The following SEMA6D variants were observed in gnomAD, a reference collection of about 807,000 sequenced individuals.
SEMA6D encodes semaphorin-6D.
A neutral mutation model predicts 106.6 loss-of-function variants in SEMA6D; 35 were observed. That is an observed-to-expected ratio of 0.33 (90% CI 0.25 to 0.44). The LOEUF (loss-of-function observed/expected upper bound fraction) is 0.44. SEMA6D is among the 20% of genes least tolerant of loss of function. SEMA6D has a pLI of 1.00. For missense variants in SEMA6D, 1,185 were observed against 1,345.9 expected, an observed-to-expected ratio of 0.88 and a Z score of 1.87; for synonymous variants, 499 against 487.7, an observed-to-expected ratio of 1.02 and a Z score of -0.31.
At chr15:47,689,964 G>C (rs981742104) in intron 4 of SEMA6D, among the ~76,000 whole-genome samples, 2 of 152,224 alleles carry the variant, frequency 1.3e-5, no homozygotes, top group Non-Finnish European at 2.9e-5. Context: ...GGGGAAAGCA[G>C]GGATTTAGAG....
chr15:47,299,992 G>A (rs762981234), intron 1 of SEMA6D, among the ~76,000 whole-genome samples: 11 of 152,214 alleles, frequency 7.2e-5, no homozygotes, highest in Non-Finnish European at 1.5e-4. Context: ...ACTGTGGGGC[G>A]TATACATTAA....
rs530181626 is a variant in SEMA6D at position 47,305,096 on chromosome 15, G to A, written c.-238-107297G>A. 1.5e-4 allele frequency among the ~76,000 whole-genome samples: 23 copies of A among 152,210 alleles called. No individual in the cohort carries two copies. The South Asian group carries it at 3.9e-3, about 26-fold the overall frequency. The stretch of plus-strand genomic sequence containing the variant: ...TTTCTTATTAAAAACGTAAGTTCAC[G>A]GGCCTCTCTCCAGATCAACTAAATC... On this transcript the variant is annotated intron_variant, in intron 1 of 19. Coordinates refer to the SEMA6D transcript ENST00000558014.
chr15:47,290,705 C>T (rs1191837609), intron 1 of SEMA6D, among the ~76,000 whole-genome samples: 2 of 151,938 alleles, frequency 1.3e-5, no homozygotes, highest in African/African-American at 4.8e-5. Context: ...CTTATTTGAA[C>T]AGTAACTGAG....
intron 1 of SEMA6D, among the ~76,000 whole-genome samples, chr15:47,222,160 TTA>T (rs2141381384): frequency 6.6e-6 from 1 of 152,262 alleles, no homozygotes; most frequent in East Asian, 1.9e-4. Flanking sequence ...AATCCATTTT[TTA>T]TGTTTGTGGA....
At chr15:47,584,427 GGA>G (rs1491496771) in intron 3 of SEMA6D, among the ~76,000 whole-genome samples, 3 of 143,160 alleles carry the variant, frequency 2.1e-5, no homozygotes, top group Admixed American at 6.9e-5. Context: ...CTGTCTCAGG[GGA>G]AAAAAAAAAA....
At chr15:47,631,615 GAA>G (rs139705630) in intron 4 of SEMA6D, among the ~76,000 whole-genome samples, 1 of 151,640 alleles carries the variant, frequency 6.6e-6, no homozygotes. Context: ...GCCAAATAAG[GAA>G]AAAAAGGCAA....
intron 1 of SEMA6D, among the ~76,000 whole-genome samples, chr15:47,261,463 G>A (rs985744294): frequency 2.0e-5 from 3 of 152,124 alleles, no homozygotes; most frequent in African/African-American, 4.8e-5. Context: ...AGAATTTTTA[G>A]TATTTAAATG....
chr15:47,687,557 G>A (rs945302839), intron 4 of SEMA6D, among the ~76,000 whole-genome samples: 2 of 152,160 alleles, frequency 1.3e-5, no homozygotes, highest in African/African-American at 4.8e-5. Context: ...GCCCCCTTAA[G>A]CCATATTAAA....
intron 3 of SEMA6D, among the ~76,000 whole-genome samples, chr15:47,477,653 G>T (rs915866851): frequency 6.6e-6 from 1 of 152,040 alleles, no homozygotes; most frequent in Non-Finnish European, 1.5e-5. Context: ...CACAGAATTT[G>T]ATTTTTTGCC....
chr15:47,661,489 T>C (rs1218140028), intron 4 of SEMA6D, among the ~76,000 whole-genome samples: 1 of 152,202 alleles, frequency 6.6e-6, no homozygotes, highest in Non-Finnish European at 1.5e-5. Context: ...GGGGTGAAGC[T>C]ATGGAAACTG....
At chr15:47,696,154 C>G (rs2078694844) in intron 4 of SEMA6D, among the ~76,000 whole-genome samples, 1 of 152,162 alleles carries the variant, frequency 6.6e-6, no homozygotes, top group Admixed American at 6.5e-5. Flanking sequence ...CTGAACTCCA[C>G]TTTTCCAAGA....
chr15:47,458,160 A>T lies in SEMA6D; in HGVS notation c.-158-12314A>T, dbSNP rs1050279175. The stretch of plus-strand genomic sequence containing the variant: ...CACTGAGAATGTTAAAATTGTGAGC[A>T]TATATAAAAATACTCTTAAAAATCT... On this transcript the variant is annotated intron_variant, in intron 2 of 19. Coordinates refer to the SEMA6D transcript ENST00000558014. Among the ~76,000 whole-genome samples, 3 of 152,192 alleles carry T rather than the reference A, an allele frequency of 2.0e-5. No homozygotes were observed. The East Asian group carries it at 5.8e-4, about 29-fold the overall frequency.
intron 4 of SEMA6D, among the ~76,000 whole-genome samples, chr15:47,660,709 AT>A (rs958268078): frequency 2.6e-5 from 4 of 152,178 alleles, no homozygotes; most frequent in African/African-American, 9.6e-5. Context: ...TTTTAAAACT[AT>A]TTTTGATATT....
chr15:47,336,151 G>A (rs943075450), intron 1 of SEMA6D, among the ~76,000 whole-genome samples: 11 of 152,172 alleles, frequency 7.2e-5, no homozygotes, highest in African/African-American at 2.7e-4. Flanking sequence ...AAATGTAAAG[G>A]TTTATGTGAT....
intron 4 of SEMA6D, among the ~76,000 whole-genome samples, chr15:47,641,628 G>C (rs2077490755): frequency 6.6e-6 from 1 of 152,144 alleles, no homozygotes; most frequent in African/African-American, 2.4e-5. Flanking sequence ...GGCTTTACCA[G>C]CTTAATTCCT....
intron 1 of SEMA6D, among the ~76,000 whole-genome samples, chr15:47,264,167 G>A (rs573749907): frequency 5.9e-5 from 9 of 151,844 alleles, no homozygotes; most frequent in Non-Finnish European, 1.2e-4. Flanking sequence ...ACACATAGAG[G>A]GCAACAACAC....
At chr15:47,324,176 C>G (rs565604911) in intron 1 of SEMA6D, among the ~76,000 whole-genome samples, 1 of 152,090 alleles carries the variant, frequency 6.6e-6, no homozygotes, top group South Asian at 2.1e-4. Flanking sequence ...CAAACAAATG[C>G]AGTCAATACA....
chr15:47,703,428 TCTAA>T (rs2078854338), intron 4 of SEMA6D, among the ~76,000 whole-genome samples: 2 of 152,290 alleles, frequency 1.3e-5, no homozygotes, highest in African/African-American at 4.8e-5. Flanking sequence ...TGACATAGGC[TCTAA>T]CTGTGATTTA....
rs150449219 is a variant in SEMA6D, at chr15:47,300,157, C to T, written c.-238-112236C>T. Reference sequence around the variant, plus strand: ...TTTGTCCTGCCTGGTGGGTGCCCTCCGCAGCTCAGCTGCTGTGCTTTCCTC... The same window carrying T: ...TTTGTCCTGCCTGGTGGGTGCCCTCTGCAGCTCAGCTGCTGTGCTTTCCTC... On this transcript the variant is annotated intron_variant, in intron 1 of 19. Transcript: ENST00000558014. 5.9e-3 allele frequency among the ~76,000 whole-genome samples: 899 copies of T among 152,244 alleles called. 14 individuals carry two copies. The highest frequency in any genetic ancestry group is 0.02 in the African/African-American group (848 of 41,534).
Sources: gnomAD v4.1 joint callset for allele counts (sites outside exome capture counted in the v4.1 genomes callset) on GRCh38, gnomAD v4.1.1 for gene constraint, MANE v1.5 for transcripts, NCBI Gene and HGNC (gene_info 2026-07-23, HGNC 2026-07-21) for gene names.